TM9SF4: variants seen among roughly 807,000 people sequenced by gnomAD.
The protein encoded by TM9SF4 is transmembrane 9 superfamily member 4, also known as dinucleotide oxidase disulfide thiol exchanger 3 superfamily member 4.
In TM9SF4, 26 loss-of-function variants were observed where a neutral mutation model predicts 90.4. The observed-to-expected ratio is 0.29, with a 90% CI of 0.21 to 0.40. The LOEUF is 0.40. TM9SF4 is among the 10% of genes least tolerant of loss of function. The pLI is 1.00. For missense variants in TM9SF4, 549 were observed against 834.8 expected (o/e 0.66, Z 4.22); for synonymous variants, 293 against 315.4 (o/e 0.93, Z 0.75).
At chr20:32,142,575 C>G (rs893157004) in intron 5 of TM9SF4, among the ~76,000 whole-genome samples, 2 of 152,124 alleles carry the variant, frequency 1.3e-5, no homozygotes, top group African/African-American at 4.8e-5. Flanking sequence ...AGAGGGAGCT[C>G]CTTTTACACT....
chr20:32,167,172 A>G lies in TM9SF4; in HGVS notation c.*1728A>G, dbSNP rs2047109986. 6.6e-6 allele frequency: 1 copy of G among 152,068 alleles called. No individual in the cohort carries two copies. The highest frequency in any genetic ancestry group is 1.5e-5 in the Non-Finnish European group (1 of 68,026). The allele number at this position is 152,068 out of a possible 1,614,324, so 9.4% of individuals were successfully genotyped here. ...ATCATCAATTTTTCTGACTTTTTAA[A>G]TCATTATCATTATTATTTTTAATTA... On this transcript the variant is annotated 3_prime_UTR_variant, in exon 18 of 18. Transcript: ENST00000398022.
At chr20:32,156,899 A>ACC (rs1286768206) in intron 13 of TM9SF4, among the ~76,000 whole-genome samples, 1 of 132,632 alleles carries the variant, frequency 7.5e-6, no homozygotes, top group African/African-American at 3.0e-5. Flanking sequence ...GAGCCACTGT[A>ACC]CCCAGCTTAT....
intron 1 of TM9SF4, among the ~76,000 whole-genome samples, chr20:32,120,639 A>AT: frequency 6.6e-6 from 1 of 152,040 alleles, no homozygotes; most frequent in East Asian, 1.9e-4. Context: ...GCCCTTAATT[A>AT]TTAATGTGTT....
At chr20:32,146,672 G>A in intron 8 of TM9SF4, 113 bp from the exon 9 acceptor site, 1 of 1,014,624 alleles carries the variant, frequency 9.9e-7, no homozygotes, top group Non-Finnish European at 1.5e-6. Context: ...TCATAATGGA[G>A]CAAGCCGTGC....
At position 32,157,020 on chromosome 20, in the gene TM9SF4, T is replaced by G. The variant is rs143235918; in HGVS notation, c.1330-774T>G. 3.8e-3 allele frequency among the ~76,000 whole-genome samples: 554 copies of G among 146,768 alleles called. 5 individuals are homozygous for G. Among genetic ancestry groups the G allele is most frequent in the African/African-American group, 0.014 (527 of 38,390 alleles). ...TGGAGTGGAGTGGCAAGGTCTCAGT[T>G]CACTGCAACCTCCACCTCCCAGGTT... is the stretch of plus-strand genomic sequence containing the variant. On this transcript the variant is annotated intron_variant, in intron 13 of 17. Transcript: ENST00000398022.
intron 1 of TM9SF4, among the ~76,000 whole-genome samples, chr20:32,111,854 A>G (rs2046147181): frequency 6.6e-6 from 1 of 152,224 alleles, no homozygotes; most frequent in Admixed American, 6.5e-5. Context: ...CCGAAGCATG[A>G]TGAGGGTTGG....
chr20:32,123,185 G>A lies in TM9SF4; in HGVS notation c.16-9828G>A, dbSNP rs1268859743. ...GGAGAGGGAGAGGGGGAGGGGGGGAGGGGGAGAGGGGGAGGGGGGAGGGGG... is the reference window on the plus strand; with the variant it reads ...GGAGAGGGAGAGGGGGAGGGGGGGAAGGGGAGAGGGGGAGGGGGGAGGGGG... On this transcript the variant is annotated intron_variant, in intron 1 of 17. Transcript: ENST00000398022. 1.8e-4 allele frequency among the ~76,000 whole-genome samples: 2 copies of A among 10,960 alleles called. 1 individual carries two copies. Among genetic ancestry groups the A allele is most frequent in the Non-Finnish European group, 6.3e-4 (2 of 3,184 alleles). The allele number at this position is 10,960 out of a possible 152,430, so 7.2% of individuals were successfully genotyped here.
intron 1 of TM9SF4, among the ~76,000 whole-genome samples, chr20:32,110,203 C>T (rs2046121815): frequency 6.6e-6 from 1 of 152,142 alleles, no homozygotes; most frequent in East Asian, 1.9e-4. Flanking sequence ...TGACCACCCT[C>T]CCAGCCCAAG....
In TM9SF4 at chr20:32,129,722, T is replaced by C. The variant is rs1049245616; in HGVS notation, c.16-3291T>C. ...GCCTCTGCCTCCCAAGTAGCTGGGA[T>C]TACAGGCATCTGCCACCACACCTGG... On this transcript the variant is annotated intron_variant, in intron 1 of 17. Coordinates refer to ENST00000398022, the MANE Select transcript of TM9SF4 (RefSeq NM_014742.4). Among the ~76,000 whole-genome samples, 31 of 151,948 alleles carry C rather than the reference T, an allele frequency of 2.0e-4. 1 individual carries two copies. Among genetic ancestry groups the C allele is most frequent in the African/African-American group, 6.3e-4 (26 of 41,436 alleles).
chr20:32,141,728 G>A (rs1228434994), intron 4 of TM9SF4, 38 bp from the exon 5 acceptor site: 1 of 1,613,344 alleles, frequency 6.2e-7, no homozygotes, highest in Non-Finnish European at 8.5e-7. Flanking sequence ...GACGGGAGAG[G>A]CGGTCGAGAG....
At chr20:32,110,392 C>G (rs1389928280) in intron 1 of TM9SF4, among the ~76,000 whole-genome samples, 1 of 152,158 alleles carries the variant, frequency 6.6e-6, no homozygotes, top group Non-Finnish European at 1.5e-5. Flanking sequence ...CTGCCCCTCT[C>G]TTAGGGACCT....
At chr20:32,145,279 G>A (rs778775933) in intron 7 of TM9SF4, 33 bp from the exon 8 acceptor site, 3 of 1,612,344 alleles carry the variant, frequency 1.9e-6, no homozygotes, top group South Asian at 2.2e-5. Context: ...CCAGCAGGAT[G>A]CCTGACTCTA....
At chr20:32,121,057 T>G (rs1417142154) in intron 1 of TM9SF4, among the ~76,000 whole-genome samples, 2 of 152,186 alleles carry the variant, frequency 1.3e-5, no homozygotes, top group Non-Finnish European at 2.9e-5. Context: ...ATCATCATCA[T>G]GAACACACAG....
intron 9 of TM9SF4, among the ~76,000 whole-genome samples, chr20:32,148,826 A>G (rs1020655321): frequency 6.6e-6 from 1 of 152,088 alleles, no homozygotes; most frequent in Non-Finnish European, 1.5e-5. Flanking sequence ...GCCTACCACC[A>G]TGCCCAGCTA....
intron 12 of TM9SF4, among the ~76,000 whole-genome samples, chr20:32,151,986 C>T (rs1005722138): frequency 4.0e-5 from 6 of 151,882 alleles, no homozygotes; most frequent in Non-Finnish European, 7.4e-5. Context: ...CTCCACCTCC[C>T]GAGTAGCTGG....
At chr20:32,154,109 T>A (rs954976857) in intron 12 of TM9SF4, among the ~76,000 whole-genome samples, 2 of 152,138 alleles carry the variant, frequency 1.3e-5, no homozygotes, top group African/African-American at 4.8e-5. Context: ...GCAGTTTGGG[T>A]TGGGGCCCAG....
At chr20:32,146,400 G>A (rs528759184) in intron 8 of TM9SF4, among the ~76,000 whole-genome samples, 13 of 152,254 alleles carry the variant, frequency 8.5e-5, no homozygotes, top group East Asian at 3.9e-4. Flanking sequence ...GAAGAAAGGC[G>A]TGCTGATGAG....
intron 2 of TM9SF4, 44 bp downstream of exon 2, chr20:32,133,170 G>A: frequency 1.3e-6 from 2 of 1,577,108 alleles, no homozygotes; most frequent in South Asian, 2.2e-5. Context: ...GCTAGGCAGT[G>A]TGTCTGGAGC....
At chr20:32,140,048 T>A (rs1418357786) in intron 3 of TM9SF4, among the ~76,000 whole-genome samples, 4 of 152,222 alleles carry the variant, frequency 2.6e-5, no homozygotes, top group Non-Finnish European at 4.4e-5. Context: ...CAACTTTGCA[T>A]CTTTAGGGCT....
Sources: allele counts gnomAD v4.1 joint callset (sites outside exome capture counted in the v4.1 genomes callset), GRCh38; gene constraint gnomAD v4.1.1; transcripts MANE v1.5; gene names NCBI Gene and HGNC (gene_info 2026-07-23, HGNC 2026-07-21).